Variants in LDLRAD3 observed in about 807,000 individuals in gnomAD.
The protein encoded by LDLRAD3 is low-density lipoprotein receptor class A domain-containing protein 3.
LDLRAD3 carries 20 observed loss-of-function variants against 29.4 expected under a neutral mutation model. That is an observed-to-expected ratio of 0.68 (90% CI 0.48 to 0.99). The LOEUF is 0.99. Among genes scored for constraint, LDLRAD3 ranks in the 50% least tolerant of loss-of-function variants. LDLRAD3 has a pLI of 0.00. For missense variants in LDLRAD3, 420 were observed against 454.3 expected (o/e 0.92, Z 0.69); for synonymous variants, 157 against 192.7 (o/e 0.81, Z 1.53).
intron 1 of LDLRAD3, chr11:36,010,007 G>A (rs771666374): frequency 1.3e-5 from 2 of 154,160 alleles, no homozygotes; most frequent in Admixed American, 1.3e-4. Context: ...AAGTGCTCAG[G>A]CCTCAAAAAA....
chr11:36,132,231 G>A (rs1024957429), intron 4 of LDLRAD3, among the ~76,000 whole-genome samples: 18 of 152,244 alleles, frequency 1.2e-4, no homozygotes, highest in African/African-American at 3.1e-4. Flanking sequence ...AGCGGAAGAC[G>A]GAAAATAAAG....
At chr11:36,122,007 G>A (rs1853766150) in intron 4 of LDLRAD3, among the ~76,000 whole-genome samples, 1 of 152,150 alleles carries the variant, frequency 6.6e-6, no homozygotes, top group Non-Finnish European at 1.5e-5. Context: ...TTTACAGGAG[G>A]GGAAAGTGAG....
At chr11:36,098,063 A>AGCAG (rs1227409691) in intron 3 of LDLRAD3, among the ~76,000 whole-genome samples, 1 of 152,236 alleles carries the variant, frequency 6.6e-6, no homozygotes, top group East Asian at 1.9e-4. Flanking sequence ...GTTGAAAGGC[A>AGCAG]TCAATATTCA....
intron 1 of LDLRAD3, among the ~76,000 whole-genome samples, chr11:35,966,301 T>G (rs1851340926): frequency 6.6e-6 from 1 of 152,158 alleles, no homozygotes; most frequent in Non-Finnish European, 1.5e-5. Context: ...GGTATGCACC[T>G]GTAGTCCCAG....
intron 4 of LDLRAD3, among the ~76,000 whole-genome samples, chr11:36,147,605 CTACACATAGTATCATG>C (rs1466583660): frequency 6.6e-6 from 1 of 152,180 alleles, no homozygotes; most frequent in Non-Finnish European, 1.5e-5. Flanking sequence ...GTTCAACCCC[CTACACATAGTATCATG>C]TACACATTCT....
rs71044557 is a variant in LDLRAD3 at position 36,191,599 on chromosome 11, TACACAC to T, written c.455-35467_455-35462del. Reference sequence around the variant, plus strand: ...CTCTATATATATATATATATATATATACACACACACACACACACACACACGCACGCA... The same window carrying T: ...CTCTATATATATATATATATATATATACACACACACACACACACGCACGCA... On this transcript the variant is annotated intron_variant, in intron 4 of 5. Transcript: ENST00000315571. Among the ~76,000 whole-genome samples, 21 of 93,120 alleles carry T rather than the reference TACACAC, an allele frequency of 2.3e-4. 1 individual carries two copies. Among genetic ancestry groups the T allele is most frequent in the African/African-American group, 4.9e-4 (11 of 22,294 alleles). 61.1% of individuals were successfully genotyped at this position (93,120 alleles called of 152,430 possible).
chr11:36,026,179 G>A (rs531067256), intron 1 of LDLRAD3, among the ~76,000 whole-genome samples: 4 of 152,220 alleles, frequency 2.6e-5, no homozygotes, highest in Non-Finnish European at 4.4e-5. Flanking sequence ...TCTGCAGTTC[G>A]CTCTTTTCAC....
chr11:36,210,248 GATTCATCTTTGT>G (rs1855265506), intron 4 of LDLRAD3, among the ~76,000 whole-genome samples: 1 of 152,118 alleles, frequency 6.6e-6, no homozygotes, highest in African/African-American at 2.4e-5. Context: ...CCCTCCGTGG[GATTCATCTTTGT>G]ATCACATCAG....
intron 4 of LDLRAD3, among the ~76,000 whole-genome samples, chr11:36,220,848 TC>T (rs1855416663): frequency 6.6e-6 from 1 of 152,182 alleles, no homozygotes; most frequent in African/African-American, 2.4e-5. Flanking sequence ...TCAGAATTCA[TC>T]TAATGGCACA....
At chr11:36,090,274 GGAA>G (rs1176703990) in intron 3 of LDLRAD3, among the ~76,000 whole-genome samples, 15 of 152,152 alleles carry the variant, frequency 9.9e-5, no homozygotes, top group Admixed American at 2.6e-4. Flanking sequence ...GATGAGGAGA[GGAA>G]GAAGATCACA....
chr11:36,004,705 A>G (rs373382602), intron 1 of LDLRAD3, among the ~76,000 whole-genome samples: 2 of 152,378 alleles, frequency 1.3e-5, no homozygotes, highest in South Asian at 2.1e-4. Flanking sequence ...GAGGTTCTGC[A>G]TGAGGGCTCT....
At chr11:36,212,980 C>A (rs953890965) in intron 4 of LDLRAD3, among the ~76,000 whole-genome samples, 1 of 152,138 alleles carries the variant, frequency 6.6e-6, no homozygotes, top group Non-Finnish European at 1.5e-5. Context: ...CTGAAAATTT[C>A]CAGGGAAGTG....
At chr11:35,973,751 G>A (rs564269533) in intron 1 of LDLRAD3, among the ~76,000 whole-genome samples, 2 of 152,182 alleles carry the variant, frequency 1.3e-5, no homozygotes, top group African/African-American at 2.4e-5. Context: ...GATTACAGGC[G>A]TGAGTCACCG....
intron 2 of LDLRAD3, among the ~76,000 whole-genome samples, chr11:36,063,792 A>C (rs1226797988): frequency 2.6e-5 from 4 of 152,228 alleles, no homozygotes. Context: ...GCCAATAACC[A>C]CAGTGTCTTA....
chr11:36,027,296 A>G (rs1852179775), intron 1 of LDLRAD3, among the ~76,000 whole-genome samples: 1 of 152,206 alleles, frequency 6.6e-6, no homozygotes, highest in Non-Finnish European at 1.5e-5. Flanking sequence ...CATCGGTGAA[A>G]GTACCTGTTC....
At chr11:35,979,775 G>A (rs1851518344) in intron 1 of LDLRAD3, among the ~76,000 whole-genome samples, 1 of 152,196 alleles carries the variant, frequency 6.6e-6, no homozygotes, top group South Asian at 2.1e-4. Context: ...TGAGAGATGT[G>A]GTGGTTGATG....
intron 4 of LDLRAD3, among the ~76,000 whole-genome samples, chr11:36,111,761 G>A (rs546308161): frequency 1.4e-4 from 21 of 152,170 alleles, no homozygotes; most frequent in African/African-American, 4.3e-4. Flanking sequence ...CACCACACCC[G>A]GCTAATTTTT....
rs1851951096 is a variant in LDLRAD3 at position 36,011,175 on chromosome 11, TATAAA to T, written c.47-24923_47-24919del. On this transcript the variant is annotated intron_variant, in intron 1 of 5. Transcript: ENST00000315571. Reference sequence around the variant, plus strand: ...ATTTATGACTTCCAACTTTTATAATTATAAAATAATTTTAATTTTATAGCTCTTTA... The same window carrying T: ...ATTTATGACTTCCAACTTTTATAATTATAATTTTAATTTTATAGCTCTTTA... Among the ~76,000 whole-genome samples the T allele has an allele frequency of 7.2e-5, 11 of 152,342 alleles. No individual in the cohort carries two copies. In the South Asian group the frequency reaches 2.3e-3, roughly 32 times the overall value.
chr11:36,128,141 T>TATATATATA (rs1250416156), intron 4 of LDLRAD3, among the ~76,000 whole-genome samples: 28 of 129,522 alleles, frequency 2.2e-4, no homozygotes, highest in South Asian at 5.3e-4. Flanking sequence ...TATATGTATA[T>TATATATATA]GACATGTAGG....
Sources: gnomAD v4.1 joint callset for allele counts (sites outside exome capture counted in the v4.1 genomes callset) on GRCh38, gnomAD v4.1.1 for gene constraint, MANE v1.5 for transcripts, NCBI Gene and HGNC (gene_info 2026-07-23, HGNC 2026-07-21) for gene names.